ACO1: variants seen among roughly 807,000 people sequenced by gnomAD.
ACO1 encodes the protein cytoplasmic aconitate hydratase.
Under a neutral mutation model 105.1 loss-of-function variants are expected in ACO1, and 78 were observed. The ratio of observed to expected loss-of-function variants is 0.74; its 90% CI spans 0.62 to 0.90. The LOEUF (loss-of-function observed/expected upper bound fraction) is 0.90. Among genes scored for constraint, ACO1 ranks in the 40% least tolerant of loss-of-function variants. The probability of loss-of-function intolerance (pLI) is 0.00; values close to 1 mark genes in which losing one functional copy is unlikely to be tolerated. For missense variants in ACO1, 965 were observed against 1,111.1 expected (o/e 0.87, Z 1.87); for synonymous variants, 364 against 397.4 (o/e 0.92, Z 1.00).
intron 1 of ACO1, among the ~76,000 whole-genome samples, chr9:32,388,749 G>A (rs1821205186): frequency 6.6e-6 from 1 of 152,184 alleles, no homozygotes; most frequent in Non-Finnish European, 1.5e-5. Flanking sequence ...GGAAGCCAGA[G>A]AACTTTTGTT....
intron 19 of ACO1, chr9:32,445,443 G>A (rs1822581254): frequency 6.2e-6 from 1 of 162,014 alleles, no homozygotes; most frequent in South Asian, 1.3e-4. Context: ...GTATTTCCGG[G>A]GGATCACTGG....
rs147664590 is a variant in ACO1, at chr9:32,419,135, C to T, written c.756C>T (p.His252=). The part of the protein sequence containing the change: ...VIGYRLMGKP[H]PLVTSTDIVL... ...GCTACAGGCTGATGGGGAAGCCCCA[C>T]CCTCTGGTAACATCCACTGACATCG... Residue 252 remains histidine, a synonymous_variant, in exon 7 of 21, where the codon CAC becomes CAT. Coordinates refer to ENST00000309951, the MANE Select transcript of ACO1 (RefSeq NM_002197.3). 3.7e-4 allele frequency: 588 copies of T among 1,606,552 alleles called. 3 individuals are homozygous for T. The African/African-American group carries it at 7.3e-3, about 20-fold the overall frequency.
At chr9:32,415,154 T>A (rs1427503266) in intron 4 of ACO1, among the ~76,000 whole-genome samples, 1 of 152,166 alleles carries the variant, frequency 6.6e-6, no homozygotes, top group Non-Finnish European at 1.5e-5. Context: ...GAGCTTGGAC[T>A]GGAGGCTAGG....
intron 4 of ACO1, among the ~76,000 whole-genome samples, chr9:32,409,426 A>G (rs72561747): frequency 3.3e-4 from 51 of 152,354 alleles, no homozygotes; most frequent in African/African-American, 1.2e-3. Flanking sequence ...GCCTGAATAT[A>G]GACACCTAAT....
At chr9:32,440,627 T>C in intron 19 of ACO1, 40 bp downstream of exon 19, 1 of 1,603,770 alleles carries the variant, frequency 6.2e-7, no homozygotes, top group Non-Finnish European at 8.5e-7. Flanking sequence ...AGCTCCCCTC[T>C]GAACTGGGAG....
chr9:32,425,755 A>G, intron 10 of ACO1, 83 bp from the exon 11 acceptor site: 1 of 950,422 alleles, frequency 1.1e-6, no homozygotes, highest in Non-Finnish European at 1.5e-6. Context: ...TGTTGACTAT[A>G]TGTATGTATT....
chr9:32,391,327 A>G (rs1263244222), intron 1 of ACO1, among the ~76,000 whole-genome samples: 1 of 152,222 alleles, frequency 6.6e-6, no homozygotes, highest in Non-Finnish European at 1.5e-5. Context: ...CTTTGGGATT[A>G]GATGTTGCAA....
At chr9:32,443,959 A>T (rs1291370185) in intron 19 of ACO1, among the ~76,000 whole-genome samples, 1 of 152,050 alleles carries the variant, frequency 6.6e-6, no homozygotes, top group African/African-American at 2.4e-5. Context: ...TCCTAATGCT[A>T]TCCCTCCCCT....
At chr9:32,443,796 TA>T (rs1226642967) in intron 19 of ACO1, among the ~76,000 whole-genome samples, 1 of 152,210 alleles carries the variant, frequency 6.6e-6, no homozygotes, top group Non-Finnish European at 1.5e-5. Context: ...TTACAAAATA[TA>T]TGCAAACATT....
At chr9:32,420,494 A>G (rs979998252) in intron 7 of ACO1, among the ~76,000 whole-genome samples, 3 of 152,244 alleles carry the variant, frequency 2.0e-5, no homozygotes, top group African/African-American at 7.2e-5. Context: ...GAGAGTTAGT[A>G]TAAAGAGTAC....
chr9:32,384,684 C>G lies in ACO1; in HGVS notation c.-74C>G, dbSNP rs1034765742. On this transcript the variant is annotated 5_prime_UTR_variant, in exon 1 of 21. Coordinates refer to ENST00000309951, the MANE Select transcript of ACO1 (RefSeq NM_002197.3). ...CCGCGCAGCGCACGGGAACGCGTCC[C>G]GCTGCTTGGGTCAGGTTCGCCGGTC... is the stretch of plus-strand genomic sequence containing the variant. 1.5e-5 allele frequency: 6 copies of G among 409,254 alleles called. No homozygotes were observed. The highest frequency in any genetic ancestry group is 4.4e-5 in the African/African-American group (2 of 45,862). 25.4% of individuals were successfully genotyped at this position (409,254 alleles called of 1,614,324 possible).
rs564372544 is a variant in ACO1, at chr9:32,428,355, C to T, written c.1484+919C>T. Among the ~76,000 whole-genome samples, 59 of 151,596 alleles carry T rather than the reference C, an allele frequency of 3.9e-4. No individual in the cohort carries two copies. The South Asian group carries it at 4.0e-3, about 10-fold the overall frequency. On this transcript the variant is annotated intron_variant, in intron 12 of 20. Transcript: ENST00000309951. ...CACCGGGTCAGGATTGTCAGTATTACTGTCTTCTACCTCCACATCTGTCCC... is the reference window on the plus strand; with the variant it reads ...CACCGGGTCAGGATTGTCAGTATTATTGTCTTCTACCTCCACATCTGTCCC...
At chr9:32,394,260 T>G (rs1821325683) in intron 1 of ACO1, among the ~76,000 whole-genome samples, 1 of 152,074 alleles carries the variant, frequency 6.6e-6, no homozygotes, top group Admixed American at 6.5e-5. Flanking sequence ...TCTCTCCCCC[T>G]CTGATGCTCT....
rs377244343 is a variant in ACO1, at chr9:32,419,614, C to A, written c.798+437C>A. 5.3e-5 allele frequency among the ~76,000 whole-genome samples: 8 copies of A among 152,358 alleles called. No individual in the cohort carries two copies. The South Asian group carries it at 1.7e-3, about 32-fold the overall frequency. Reference sequence around the variant, plus strand: ...ATCCTGAGGTTGTAAGAATCATTCCCATGCATGTGTTTATGCTTTCACTAC... The same window carrying A: ...ATCCTGAGGTTGTAAGAATCATTCCAATGCATGTGTTTATGCTTTCACTAC... On this transcript the variant is annotated intron_variant, in intron 7 of 20. Coordinates refer to ENST00000309951, the MANE Select transcript of ACO1 (RefSeq NM_002197.3).
At chr9:32,417,322 C>T (rs773179214) in intron 4 of ACO1, among the ~76,000 whole-genome samples, 1 of 152,108 alleles carries the variant, frequency 6.6e-6, no homozygotes, top group Non-Finnish European at 1.5e-5. Context: ...AGTAGTTATC[C>T]AGTACTTCAT....
Position 32,403,786 on chromosome 9 carries a change from G to A in ACO1, c.-22-1699G>A, listed in dbSNP as rs1384158333. 7.2e-5 allele frequency among the ~76,000 whole-genome samples: 11 copies of A among 152,250 alleles called. 1 individual carries two copies. The highest frequency in any genetic ancestry group is 5.8e-4 in the East Asian group (3 of 5,180). ...ACCCATCTTGCTCAGTCCCGTGAGC[G>A]TTTCCCACCACTTCCCCTGCCTGCA... On this transcript the variant is annotated intron_variant, in intron 1 of 20. Transcript: ENST00000309951.
rs74865883 is a variant in ACO1 at position 32,440,615 on chromosome 9, G to T, written c.2370+28G>T. 2.9e-3 allele frequency: 4,620 copies of T among 1,610,282 alleles called. 60 individuals carry two copies. In the African/African-American group the frequency reaches 0.042, roughly 15 times the overall value. ...GAGTATGAAGTAGACATCCTAGGAG[G>T]CAGCTCCCCTCTGAACTGGGAGGGT... On this transcript the variant is annotated intron_variant, in intron 19 of 20. Coordinates refer to ENST00000309951, the MANE Select transcript of ACO1 (RefSeq NM_002197.3).
intron 1 of ACO1, among the ~76,000 whole-genome samples, chr9:32,388,819 T>C (rs1169182994): frequency 6.6e-6 from 1 of 152,216 alleles, no homozygotes; most frequent in Non-Finnish European, 1.5e-5. Context: ...GTAGCATTCA[T>C]ATATTGCTTT....
rs1459458293 is a variant in ACO1, at chr9:32,452,814, T to TA, written c.*2707dup. On this transcript the variant is annotated 3_prime_UTR_variant, in exon 21 of 21. Coordinates refer to ENST00000309951, the MANE Select transcript of ACO1 (RefSeq NM_002197.3). Reference sequence around the variant, plus strand: ...AAAAAAAAATAAATAAATAAATAAATAAAATAAATCAGCCAGGTGTGCACC... The same window carrying TA: ...AAAAAAAAATAAATAAATAAATAAATAAAAATAAATCAGCCAGGTGTGCACC... 6.6e-6 allele frequency: 1 copy of TA among 151,004 alleles called. No individual in the cohort carries two copies. Among genetic ancestry groups the TA allele is most frequent in the Non-Finnish European group, 1.5e-5 (1 of 67,754 alleles). The allele number at this position is 151,004 out of a possible 1,614,324, so 9.4% of individuals were successfully genotyped here. A position where few individuals can be genotyped will look rare whatever the true frequency, so the allele number is the denominator to read the frequency against.
Sources: gnomAD v4.1 joint callset for allele counts (sites outside exome capture counted in the v4.1 genomes callset) on GRCh38, gnomAD v4.1.1 for gene constraint, MANE v1.5 for transcripts, NCBI Gene and HGNC (gene_info 2026-07-23, HGNC 2026-07-21) for gene names.